MTAP: variants seen among roughly 807,000 people sequenced by gnomAD.
MTAP encodes S-methyl-5'-thioadenosine phosphorylase.
MTAP carries 33 observed loss-of-function variants against 33.6 expected under a neutral mutation model. The ratio of observed to expected loss-of-function variants is 0.98; its 90% CI spans 0.74 to 1.31. The LOEUF is 1.31. Ranked by LOEUF, MTAP falls within the 40% of genes most tolerant of loss-of-function variation. The probability of loss-of-function intolerance (pLI) is 0.00; values close to 1 mark genes in which losing one functional copy is unlikely to be tolerated. For synonymous variants in MTAP, 148 were observed against 125.7 expected, an observed-to-expected ratio of 1.18 and a Z score of -1.19; for missense variants, 367 against 360.0, an observed-to-expected ratio of 1.02 and a Z score of -0.16.
Position 21,843,738 on chromosome 9 carries a change from C to T in MTAP, c.450+5728C>T, listed in dbSNP as rs1367472387. On this transcript the variant is annotated intron_variant, in intron 5 of 7. Transcript: ENST00000644715. The stretch of plus-strand genomic sequence containing the variant: ...ACAACTTATCAAAACCTCTGGGATA[C>T]AGAAAAAGTGGTGCTAATGGGAAAG... Among the ~76,000 whole-genome samples the T allele has an allele frequency of 2.0e-5, 3 of 152,106 alleles. No individual in the cohort carries two copies. The East Asian group carries it at 5.8e-4, about 29-fold the overall frequency.
intron 1 of MTAP, among the ~76,000 whole-genome samples, chr9:21,895,719 G>C (rs576713695): frequency 1.3e-5 from 2 of 152,210 alleles, no homozygotes; most frequent in Non-Finnish European, 2.9e-5. Flanking sequence ...CTGCTAGCAC[G>C]GCAGTCTGAG....
rs1825863469 is a variant in MTAP at position 21,867,048 on chromosome 9, T to C, written c.*5034T>C. The C allele has an allele frequency of 6.6e-6, 1 of 152,182 alleles. No homozygotes were observed. Among genetic ancestry groups the C allele is most frequent in the South Asian group, 2.1e-4 (1 of 4,836 alleles). The allele number at this position is 152,182 out of a possible 1,614,324, so 9.4% of individuals were successfully genotyped here. A position where few individuals can be genotyped will look rare whatever the true frequency, so the allele number is the denominator to read the frequency against. On this transcript the variant is annotated 3_prime_UTR_variant, in exon 8 of 8. Transcript: ENST00000644715. ...TTTATTTTTGTATATTGACTTTATA[T>C]TCTGTAATCTTATTAAATTCACTTA...
intron 4 of MTAP, among the ~76,000 whole-genome samples, chr9:21,826,901 T>G (rs1473211350): frequency 2.0e-5 from 3 of 152,024 alleles, no homozygotes; most frequent in Non-Finnish European, 4.4e-5. Flanking sequence ...GCAGCAGCAT[T>G]AGAGTCTCAT....
intron 4 of MTAP, among the ~76,000 whole-genome samples, chr9:21,834,158 A>C (rs1825043598): frequency 6.6e-6 from 1 of 152,198 alleles, no homozygotes; most frequent in South Asian, 2.1e-4. Context: ...AATGATAGTG[A>C]CAAGTGCCAA....
chr9:21,836,818 A>C (rs1196343175), intron 4 of MTAP, among the ~76,000 whole-genome samples: 3 of 152,286 alleles, frequency 2.0e-5, no homozygotes, highest in Middle Eastern at 3.4e-3. Context: ...GTGCCAGCTA[A>C]TGCCACTGTT....
At chr9:21,897,303 C>G (rs960339326) in intron 1 of MTAP, among the ~76,000 whole-genome samples, 1 of 152,118 alleles carries the variant, frequency 6.6e-6, no homozygotes, top group Non-Finnish European at 1.5e-5. Flanking sequence ...TGGAAGCATT[C>G]CCTTTGAAAA....
chr9:21,848,755 TATGTCAGATCTAACTGTGGTA>T (rs898293528), intron 5 of MTAP, among the ~76,000 whole-genome samples: 8 of 152,194 alleles, frequency 5.3e-5, no homozygotes, highest in Non-Finnish European at 7.3e-5. Flanking sequence ...CTCTTCTCTG[TATGTCAGATCTAACTGTGGTA>T]ATGTCAGATC....
intron 1 of MTAP, among the ~76,000 whole-genome samples, chr9:21,806,622 G>C (rs1340975641): frequency 6.6e-6 from 1 of 152,070 alleles, no homozygotes; most frequent in African/African-American, 2.4e-5. Flanking sequence ...CAGGCAGGGA[G>C]TGAGGATATT....
chr9:21,923,672 C>G (rs1818823206), intron 1 of MTAP, among the ~76,000 whole-genome samples: 1 of 152,178 alleles, frequency 6.6e-6, no homozygotes, highest in African/African-American at 2.4e-5. Flanking sequence ...CTCCATTCCT[C>G]TAATCACTTC....
Position 21,802,679 on chromosome 9 carries a change from C to T in MTAP, c.-70C>T, listed in dbSNP as rs953289977. 13 of 1,574,708 alleles carry T rather than the reference C, an allele frequency of 8.3e-6. No individual in the cohort carries two copies. The highest frequency in any genetic ancestry group is 1.4e-5 in the African/African-American group (1 of 73,948). On this transcript the variant is annotated 5_prime_UTR_variant, in exon 1 of 8. Transcript: ENST00000644715. ...CGCGCAGTGAGGTTGGCACAGCCAC[C>T]GCTCTGTGGCTCGCTTGGTTCCCTT...
chr9:21,807,036 C>T (rs1199707081), intron 1 of MTAP, among the ~76,000 whole-genome samples: 14 of 152,072 alleles, frequency 9.2e-5, no homozygotes, highest in African/African-American at 3.1e-4. Flanking sequence ...CGGTGCTGCA[C>T]GCATGTAATC....
At chr9:21,852,644 A>G (rs1333131915) in intron 5 of MTAP, among the ~76,000 whole-genome samples, 1 of 151,802 alleles carries the variant, frequency 6.6e-6, no homozygotes, top group African/African-American at 2.4e-5. Flanking sequence ...AATCCCAGAA[A>G]TCACTACTAA....
chr9:21,817,916 A>AC (rs1587204948), intron 3 of MTAP, 119 bp from the exon 4 acceptor site: 2 of 950,530 alleles, frequency 2.1e-6, no homozygotes, highest in Non-Finnish European at 3.0e-6. Flanking sequence ...GTTCTAGGAG[A>AC]CCCCCTGTGT....
chr9:21,835,302 T>C (rs913063773), intron 4 of MTAP, among the ~76,000 whole-genome samples: 3 of 152,148 alleles, frequency 2.0e-5, no homozygotes, highest in Admixed American at 1.3e-4. Flanking sequence ...CTTCAGACCA[T>C]AGCAGTAGGG....
rs1818804476 is a variant in MTAP at position 21,922,564 on chromosome 9, G to T, written c.148-8444G>T. ...AAGAGGCAAGAAACAAGTTCTTGCAGACCCATACAGATTCACTGCTGCTAA... is the reference window on the plus strand; with the variant it reads ...AAGAGGCAAGAAACAAGTTCTTGCATACCCATACAGATTCACTGCTGCTAA... On this transcript the variant is annotated intron_variant, in intron 1 of 1. Transcript: ENST00000577563. This position sits in a 1 kb window ranked among gnomAD's most constrained non-coding sequence, Gnocchi z 4.8. Among the ~76,000 whole-genome samples the T allele has an allele frequency of 6.6e-6, 1 of 152,144 alleles. No homozygotes were observed. Among genetic ancestry groups the T allele is most frequent in the Non-Finnish European group, 1.5e-5 (1 of 68,032 alleles).
chr9:21,932,588 T>G (rs890171798), downstream of MTAP: 1 of 151,300 alleles, frequency 6.6e-6, no homozygotes, highest in Admixed American at 6.6e-5. Context: ...CAACTCAGCA[T>G]GCATAAGGAC....
intron 4 of MTAP, among the ~76,000 whole-genome samples, chr9:21,831,324 A>G (rs768028241): frequency 2.6e-5 from 4 of 152,230 alleles, no homozygotes; most frequent in South Asian, 2.1e-4. Flanking sequence ...ATTTGAAAAG[A>G]TGCCCACATT....
chr9:21,869,438 C>T (rs1207594532), downstream of MTAP, among the ~76,000 whole-genome samples: 1 of 152,050 alleles, frequency 6.6e-6, no homozygotes, highest in Non-Finnish European at 1.5e-5. Context: ...TCTTGATTTT[C>T]TTCCTTCATT....
intron 1 of MTAP, among the ~76,000 whole-genome samples, chr9:21,807,349 C>T (rs1410436054): frequency 1.3e-5 from 2 of 152,140 alleles, no homozygotes; most frequent in African/African-American, 4.8e-5. Context: ...TTGAGTGTGG[C>T]CTGCAAGGGC....
Sources: allele counts gnomAD v4.1 joint callset (sites outside exome capture counted in the v4.1 genomes callset), GRCh38; gene constraint gnomAD v4.1.1; non-coding constraint Gnocchi (gnomAD v3.1); transcripts MANE v1.5; gene names NCBI Gene and HGNC (gene_info 2026-07-23, HGNC 2026-07-21).